The following TRPS1 variants were observed in gnomAD, a reference collection of about 807,000 sequenced individuals.
TRPS1 encodes the protein zinc finger transcription factor Trps1.
Under a neutral mutation model 101.2 loss-of-function variants are expected in TRPS1, and 6 were observed. That is an observed-to-expected ratio of 0.06 (90% CI 0.03 to 0.12). The LOEUF is 0.12. Ranked by LOEUF, TRPS1 falls within the 10% of genes least tolerant of loss-of-function variation. The pLI is 1.00. For synonymous variants in TRPS1, 578 were observed against 589.8 expected (o/e 0.98, Z 0.29); for missense variants, 1,363 against 1,567.0 (o/e 0.87, Z 2.20).
At chr8:115,611,412 C>G (rs950508401) in intron 3 of TRPS1, among the ~76,000 whole-genome samples, 5 of 152,174 alleles carry the variant, frequency 3.3e-5, no homozygotes, top group African/African-American at 1.2e-4. Flanking sequence ...GTGCCAAGCA[C>G]TGGAAATACA....
At chr8:115,474,698 T>A (rs1814556107) in intron 5 of TRPS1, among the ~76,000 whole-genome samples, 2 of 152,156 alleles carry the variant, frequency 1.3e-5, no homozygotes, top group Non-Finnish European at 1.5e-5. Flanking sequence ...CAGAAAAAAA[T>A]TATTTCTGTT....
rs1252656880 is a variant in TRPS1 at position 115,418,228 on chromosome 8, G to A, written c.2823+102C>T. ...AGTGACTGTATTAAAACAACCCTGC[G>A]GGGGCAGGCACTGCAAGCCAGGGAA... On this transcript the variant is annotated intron_variant, in intron 6 of 6. Transcript: ENST00000395715. The surrounding 1 kb of genome is among the most constrained non-coding windows in gnomAD (Gnocchi z 4.3). 2.9e-5 allele frequency: 46 copies of A among 1,593,446 alleles called. No individual in the cohort carries two copies. The highest frequency in any genetic ancestry group is 1.8e-4 in the Middle Eastern group (1 of 5,568).
intron 1 of TRPS1, among the ~76,000 whole-genome samples, chr8:115,666,854 C>A (rs1586511047): frequency 8.6e-6 from 1 of 116,158 alleles, no homozygotes; most frequent in Admixed American, 8.7e-5. Flanking sequence ...TACTTATTAT[C>A]TCTCCCAGAC....
chr8:115,418,596 G>C lies in TRPS1; in HGVS notation c.2701-144C>G. 1 of 1,077,826 alleles carries C rather than the reference G, an allele frequency of 9.3e-7. No homozygotes were observed. The highest frequency in any genetic ancestry group is 1.4e-6 in the Non-Finnish European group (1 of 715,304). 66.8% of individuals were successfully genotyped at this position (1,077,826 alleles called of 1,614,324 possible). A position where few individuals can be genotyped will look rare whatever the true frequency, so the allele number is the denominator to read the frequency against. The stretch of plus-strand genomic sequence containing the variant: ...GCCCATAATGAGGTCAGGTTCAATT[G>C]TGTTTAATAGGCACCACTGATTTTC... On this transcript the variant is annotated intron_variant, in intron 5 of 6. Coordinates refer to ENST00000395715, the MANE Select transcript of TRPS1 (RefSeq NM_014112.5). The surrounding 1 kb of genome is among the most constrained non-coding windows in gnomAD (Gnocchi z 4.3).
chr8:115,559,829 A>G (rs1259287696), intron 5 of TRPS1, among the ~76,000 whole-genome samples: 1 of 152,140 alleles, frequency 6.6e-6, no homozygotes, highest in African/African-American at 2.4e-5. Context: ...TATGAAACCA[A>G]ATCATCAAGT....
intron 5 of TRPS1, among the ~76,000 whole-genome samples, chr8:115,440,196 C>T (rs1438545728): frequency 6.6e-6 from 1 of 152,204 alleles, no homozygotes; most frequent in African/African-American, 2.4e-5. Flanking sequence ...TTTTTACGTA[C>T]ACCAAGTCCA....
chr8:115,437,701 G>T (rs1813490782), intron 5 of TRPS1, among the ~76,000 whole-genome samples: 1 of 152,016 alleles, frequency 6.6e-6, no homozygotes, highest in Non-Finnish European at 1.5e-5. Context: ...AAATAGGATT[G>T]GGGGGGCAGG....
intron 5 of TRPS1, among the ~76,000 whole-genome samples, chr8:115,451,697 A>G (rs1813876910): frequency 6.6e-6 from 1 of 152,200 alleles, no homozygotes; most frequent in Non-Finnish European, 1.5e-5. Flanking sequence ...ACCCTGGCAC[A>G]AGATACCCTT....
intron 1 of TRPS1, chr8:115,637,176 C>T: frequency 1.1e-6 from 1 of 877,080 alleles, no homozygotes; most frequent in South Asian, 5.2e-5. Flanking sequence ...CGGTTGCTAA[C>T]AATATTAACA....
chr8:115,495,603 A>G (rs1217694315), intron 5 of TRPS1, among the ~76,000 whole-genome samples: 1 of 151,920 alleles, frequency 6.6e-6, no homozygotes, highest in East Asian at 1.9e-4. Context: ...ACTGAAAACT[A>G]CTTATTTACA....
intron 4 of TRPS1, among the ~76,000 whole-genome samples, chr8:115,600,852 T>C (rs925533031): frequency 3.3e-5 from 5 of 152,064 alleles, no homozygotes; most frequent in African/African-American, 7.2e-5. Context: ...AATTAAATGA[T>C]AAATAATAAA....
intron 5 of TRPS1, among the ~76,000 whole-genome samples, chr8:115,541,693 C>A (rs1338554214): frequency 6.6e-6 from 1 of 152,084 alleles, no homozygotes; most frequent in Non-Finnish European, 1.5e-5. Flanking sequence ...AAACGAAAGG[C>A]CAAACTAAGA....
At chr8:115,423,340 C>T (rs1296927270) in intron 5 of TRPS1, among the ~76,000 whole-genome samples, 1 of 152,162 alleles carries the variant, frequency 6.6e-6, no homozygotes, top group African/African-American at 2.4e-5. Flanking sequence ...CAGTTAACTG[C>T]AAGGAGTTTC....
In TRPS1 at chr8:115,620,502, T is replaced by C. The variant is rs185715389; in HGVS notation, c.38-442A>G. Among the ~76,000 whole-genome samples, 16 of 152,302 alleles carry C rather than the reference T, an allele frequency of 1.1e-4. No individual in the cohort carries two copies. In the East Asian group the frequency reaches 2.7e-3, roughly 26 times the overall value. On this transcript the variant is annotated intron_variant, in intron 2 of 6. Coordinates refer to ENST00000395715, the MANE Select transcript of TRPS1 (RefSeq NM_014112.5). ...AAATACATATATGTGTTTATGGTTA[T>C]AGAATACATCACATTTATTTATATG...
intron 5 of TRPS1, among the ~76,000 whole-genome samples, chr8:115,443,763 A>G (rs1813665139): frequency 6.6e-6 from 1 of 152,216 alleles, no homozygotes. Flanking sequence ...CTCAATAAAT[A>G]TTGGTTATGA....
chr8:115,539,846 G>T (rs1586381598), intron 5 of TRPS1, among the ~76,000 whole-genome samples: 1 of 152,122 alleles, frequency 6.6e-6, no homozygotes, highest in South Asian at 2.1e-4. Flanking sequence ...ATAGAGGCTG[G>T]AATGCAGCCT....
rs185730794 is a variant in TRPS1, at chr8:115,412,973, C to G, written c.*1050G>C. 6.6e-6 allele frequency: 1 copy of G among 152,508 alleles called. No individual in the cohort carries two copies. The highest frequency in any genetic ancestry group is 2.4e-5 in the African/African-American group (1 of 41,412). 9.4% of individuals were successfully genotyped at this position (152,508 alleles called of 1,614,324 possible). ...CAGTCTGTGGTAACGTAACCTTAGA[C>G]GCTGCCTGACCACAAAGTTTGGAAA... On this transcript the variant is annotated 3_prime_UTR_variant, in exon 7 of 7. Coordinates refer to ENST00000395715, the MANE Select transcript of TRPS1 (RefSeq NM_014112.5).
At chr8:115,667,935 G>A (rs1563680993) in intron 1 of TRPS1, 2 of 1,535,098 alleles carry the variant, frequency 1.3e-6, no homozygotes, top group East Asian at 4.9e-5. Context: ...AAAACTTGCA[G>A]TGGCGGCGGC....
In TRPS1 at chr8:115,408,924, G is replaced by A. The variant is rs1473105993; in HGVS notation, c.*5099C>T. On this transcript the variant is annotated 3_prime_UTR_variant, in exon 7 of 7. Coordinates refer to ENST00000395715, the MANE Select transcript of TRPS1 (RefSeq NM_014112.5). ...TATTTGCCTTATTGGTAGCCATTAA[G>A]AAACTATGATTTTATCAGCCTAGTA... 1 of 152,220 alleles carries A rather than the reference G, an allele frequency of 6.6e-6. No individual in the cohort carries two copies. Among genetic ancestry groups the A allele is most frequent in the Non-Finnish European group, 1.5e-5 (1 of 67,938 alleles). The allele number at this position is 152,220 out of a possible 1,614,324, so 9.4% of individuals were successfully genotyped here.
Sources: gnomAD v4.1 joint callset for allele counts (sites outside exome capture counted in the v4.1 genomes callset) on GRCh38, gnomAD v4.1.1 for gene constraint, Gnocchi (gnomAD v3.1) non-coding constraint, MANE v1.5 for transcripts, NCBI Gene and HGNC (gene_info 2026-07-23, HGNC 2026-07-21) for gene names.